Variants in ATP2B4 observed in about 807,000 individuals in gnomAD.
ATP2B4 encodes the protein ATPase plasma membrane Ca2+ transporting 4.
Under a neutral mutation model 110.3 loss-of-function variants are expected in ATP2B4, and 39 were observed. The observed-to-expected ratio is 0.35, with a 90% CI of 0.27 to 0.46. ATP2B4 has a LOEUF of 0.46. Among genes scored for constraint, ATP2B4 ranks in the 20% least tolerant of loss-of-function variants. The pLI, the probability that ATP2B4 is intolerant of heterozygous loss-of-function variation, is 1.00. For synonymous variants in ATP2B4, 538 were observed against 571.7 expected, an observed-to-expected ratio of 0.94 and a Z score of 0.84; for missense variants, 1,135 against 1,530.9, an observed-to-expected ratio of 0.74 and a Z score of 4.32.
intron 19 of ATP2B4, among the ~76,000 whole-genome samples, chr1:203,727,062 C>G (rs887065495): frequency 5.9e-5 from 9 of 152,112 alleles, no homozygotes; most frequent in Non-Finnish European, 1.2e-4. Flanking sequence ...TTCTGTTAAC[C>G]TTAAAAGACA....
In ATP2B4 at chr1:203,722,602, A is replaced by G. The variant is rs148789251; in HGVS notation, c.2937A>G (p.Arg979=). The G allele has an allele frequency of 1.5e-5, 24 of 1,614,048 alleles. No individual in the cohort carries two copies. Among genetic ancestry groups the G allele is most frequent in the Non-Finnish European group, 1.9e-5 (22 of 1,180,038 alleles). Residue 979 remains arginine, a synonymous_variant, in exon 18 of 21, where the codon CGA becomes CGG. Coordinates refer to ENST00000357681, the MANE Select transcript of ATP2B4 (RefSeq NM_001684.5). ...AGCTCTTCAATGAAATCAACTCCCGAAAGATCCATGGAGAGAAGAACGTCT... is the reference window on the plus strand; with the variant it reads ...AGCTCTTCAATGAAATCAACTCCCGGAAGATCCATGGAGAGAAGAACGTCT... ...LMQLFNEINS[R]KIHGEKNVFS... is the part of the protein sequence containing the mutation.
chr1:203,634,944 A>G (rs1337545465), intron 1 of ATP2B4, among the ~76,000 whole-genome samples: 1 of 152,050 alleles, frequency 6.6e-6, no homozygotes, highest in Non-Finnish European at 1.5e-5. Flanking sequence ...GATTACAGGC[A>G]TGAACCACCG....
At chr1:203,707,815 G>T in intron 9 of ATP2B4, 47 bp from the exon 10 acceptor site, 1 of 1,605,576 alleles carries the variant, frequency 6.2e-7, no homozygotes, top group Non-Finnish European at 8.5e-7. Context: ...AGATTTAGGA[G>T]AGTCCAGTTA....
In ATP2B4 at chr1:203,721,338, C is replaced by T. The variant is rs1558051227; in HGVS notation, c.2740C>T (p.Arg914Cys). The T allele has an allele frequency of 3.1e-6, 5 of 1,614,184 alleles. No individual in the cohort carries two copies. The highest frequency in any genetic ancestry group is 4.2e-6 in the Non-Finnish European group (5 of 1,180,034). ...TGGCCGAAATAAGCCTCTGATCTCA[C>T]GCACTATGATGAAGAACATCTTGGG... The part of the protein sequence containing the change: ...PYGRNKPLIS[R>C]TMMKNILGHA... Residue 914 changes from arginine to cysteine, a missense_variant, in exon 17 of 21, where the codon CGC becomes TGC. By Grantham distance (180) the Arg-to-Cys change is radical (BLOSUM62 -3). Transcript: ENST00000357681.
Position 203,723,995 on chromosome 1 carries a change from A to T in ATP2B4, c.3132+7A>T. 6.2e-7 allele frequency: 1 copy of T among 1,602,126 alleles called. No homozygotes were observed. The highest frequency in any genetic ancestry group is 8.5e-7 in the Non-Finnish European group (1 of 1,172,898). On this transcript the variant is annotated splice_region_variant and intron_variant, in intron 19 of 20. Coordinates refer to ENST00000357681, the MANE Select transcript of ATP2B4 (RefSeq NM_001684.5). ...AGAACTTCTGTGGGGCCAGGTGAGT[A>T]CCGGCACACCCTCCTGGTGCATTCT...
At chr1:203,711,372 C>T (rs763402153) in intron 12 of ATP2B4, among the ~76,000 whole-genome samples, 17 of 152,088 alleles carry the variant, frequency 1.1e-4, no homozygotes, top group Non-Finnish European at 2.4e-4. Flanking sequence ...TCAATTTAGC[C>T]AGGACACCAA....
At chr1:203,724,012 G>A in intron 19 of ATP2B4, 24 bp downstream of exon 19, 2 of 1,584,418 alleles carry the variant, frequency 1.3e-6, no homozygotes, top group Admixed American at 3.5e-5. Flanking sequence ...CACCCTCCTG[G>A]TGCATTCTCA....
intron 7 of ATP2B4, among the ~76,000 whole-genome samples, chr1:203,702,504 T>C (rs911348766): frequency 6.6e-6 from 1 of 152,198 alleles, no homozygotes; most frequent in South Asian, 2.1e-4. Context: ...TCCTCATAAG[T>C]GTCCTCTTCT....
rs142598582 is a variant in ATP2B4, at chr1:203,683,250, C to T, written c.45C>T (p.Ala15=). The change falls in exon 2 of 21, where the codon GCC becomes GCT. Residue 15 remains alanine (A), a synonymous_variant. Coordinates refer to ENST00000357681, the MANE Select transcript of ATP2B4 (RefSeq NM_001684.5). ...SDRVLPANSM[A]ESREGDFGCT... is the part of the protein sequence containing the mutation. ...GTGTCTTGCCTGCCAACTCGATGGC[C>T]GAGAGCCGTGAAGGGGACTTTGGCT... The T allele has an allele frequency of 8.1e-6, 13 of 1,614,004 alleles. No individual in the cohort carries two copies. Among genetic ancestry groups the T allele is most frequent in the African/African-American group, 6.7e-5 (5 of 74,896 alleles).
At chr1:203,718,183 A>G (rs1326449275) in intron 15 of ATP2B4, among the ~76,000 whole-genome samples, 2 of 152,138 alleles carry the variant, frequency 1.3e-5, no homozygotes, top group African/African-American at 4.8e-5. Context: ...TTAGAATTAC[A>G]TATTTTTTAT....
At chr1:203,697,795 C>T (rs1665576178) in intron 2 of ATP2B4, among the ~76,000 whole-genome samples, 1 of 150,872 alleles carries the variant, frequency 6.6e-6, no homozygotes, top group Non-Finnish European at 1.5e-5. Context: ...CCTCAAACTC[C>T]TGAGGTCAAA....
chr1:203,680,060 C>CAAA (rs71145014), intron 1 of ATP2B4, among the ~76,000 whole-genome samples: 2 of 120,628 alleles, frequency 1.7e-5, no homozygotes, highest in African/African-American at 6.2e-5. Flanking sequence ...GACTCTTTCT[C>CAAA]AAAAAAAAAA....
intron 1 of ATP2B4, among the ~76,000 whole-genome samples, chr1:203,631,853 G>A (rs893989393): frequency 2.0e-5 from 3 of 152,066 alleles, no homozygotes; most frequent in Admixed American, 6.5e-5. Flanking sequence ...GGAGTGCAGC[G>A]GCGCGATCTC....
intron 1 of ATP2B4, among the ~76,000 whole-genome samples, chr1:203,681,022 G>T (rs1037959426): frequency 6.6e-6 from 1 of 152,180 alleles, no homozygotes; most frequent in African/African-American, 2.4e-5. Context: ...CTGAACTGGG[G>T]TGAAAACTCT....
chr1:203,653,983 A>T (rs796425041), intron 1 of ATP2B4, among the ~76,000 whole-genome samples: 4,206 of 14,360 alleles, frequency 0.29, 159 homozygotes, highest in Middle Eastern at 0.54. Context: ...ATATATATAT[A>T]TATTTTTTTT....
rs1558032099 is a variant in ATP2B4 at position 203,682,990 on chromosome 1, C to T, written c.-216C>T. 3 of 491,106 alleles carry T rather than the reference C, an allele frequency of 6.1e-6. No homozygotes were observed. The highest frequency in any genetic ancestry group is 1.1e-5 in the Non-Finnish European group (3 of 276,310). The allele number at this position is 491,106 out of a possible 1,614,324, so 30.4% of individuals were successfully genotyped here. ...CACTCAGTTCCCCCATCCTCTTCCT[C>T]CTCTCGCTGCCAGACTTCATACGGA... On this transcript the variant is annotated 5_prime_UTR_variant, in exon 2 of 21. Coordinates refer to ENST00000357681, the MANE Select transcript of ATP2B4 (RefSeq NM_001684.5).
At chr1:203,634,065 T>A (rs916533945) in intron 1 of ATP2B4, among the ~76,000 whole-genome samples, 10 of 152,128 alleles carry the variant, frequency 6.6e-5, no homozygotes, top group Non-Finnish European at 7.4e-5. Flanking sequence ...AAAATTTTTT[T>A]AAATTTAATT....
Position 203,739,837 on chromosome 1 carries a change from C to T in ATP2B4, c.3601C>T (p.Leu1201=). The T allele has an allele frequency of 2.5e-6, 4 of 1,606,136 alleles. No individual in the cohort carries two copies. Among genetic ancestry groups the T allele is most frequent in the Non-Finnish European group, 3.4e-6 (4 of 1,175,540 alleles). ...CCAGTCGGACAGCTCTCTACAGAGC[C>T]TAGAGACATCAGTTTGAATTTTCTT... ...LPQSDSSLQS[L]ETSV is the part of the protein sequence containing the mutation. The change falls in exon 21 of 21, where the codon CTA becomes TTA. Residue 1201 remains leucine, a synonymous_variant. Transcript: ENST00000357681.
At chr1:203,652,822 T>C (rs2102320579) in intron 1 of ATP2B4, among the ~76,000 whole-genome samples, 1 of 152,336 alleles carries the variant, frequency 6.6e-6, no homozygotes, top group South Asian at 2.1e-4. Flanking sequence ...TGACGAGCTG[T>C]TCTTCATCTC....
Sources: allele counts gnomAD v4.1 joint callset (sites outside exome capture counted in the v4.1 genomes callset), GRCh38; gene constraint gnomAD v4.1.1; transcripts MANE v1.5; gene names NCBI Gene and HGNC (gene_info 2026-07-23, HGNC 2026-07-21).